The following RNF146 variants were observed in gnomAD, a reference collection of about 807,000 sequenced individuals.
RNF146 encodes the protein E3 ubiquitin-protein ligase RNF146.
In RNF146, 11 loss-of-function variants were observed where a neutral mutation model predicts 29.7. The ratio of observed to expected loss-of-function variants is 0.37; its 90% CI spans 0.23 to 0.61. The LOEUF (loss-of-function observed/expected upper bound fraction) is 0.61. Ranked by LOEUF, RNF146 falls within the 20% of genes least tolerant of loss-of-function variation. The pLI, the probability that RNF146 is intolerant of heterozygous loss-of-function variation, is 0.66. For missense variants in RNF146, 342 were observed against 438.9 expected, an observed-to-expected ratio of 0.78 and a Z score of 1.97; for synonymous variants, 150 against 159.7, an observed-to-expected ratio of 0.94 and a Z score of 0.46.
chr6:127,280,634 A>G, intron 2 of RNF146: 1 of 964,264 alleles, frequency 1.0e-6, no homozygotes, highest in Non-Finnish European at 1.3e-6. Flanking sequence ...CTTTTTACAT[A>G]ATAATTTTCT....
chr6:127,276,186 G>C (rs1778186045), intron 1 of RNF146, among the ~76,000 whole-genome samples: 1 of 151,798 alleles, frequency 6.6e-6, no homozygotes, highest in South Asian at 2.1e-4. Flanking sequence ...GAGTGAGAGA[G>C]AGAGAATCTC....
chr6:127,287,620 C>T lies in RNF146; in HGVS notation c.1007C>T (p.Ala336Val), dbSNP rs775391334. The T allele has an allele frequency of 1.9e-6, 3 of 1,612,538 alleles. No homozygotes were observed. Among genetic ancestry groups the T allele is most frequent in the South Asian group, 2.2e-5 (2 of 91,012 alleles). The change falls in exon 3 of 3, where the codon GCA (alanine) becomes GTA (valine). Residue 336 changes from alanine to valine, a missense_variant. Ala to Val is a moderately conservative substitution (Grantham distance 64). Transcript: ENST00000368314. ...SDRSGTDRSV[A>V]GGGTVSVSVR... ...CGATCGGGAACTGATCGATCAGTAG[C>T]AGGGGGTGGAACAGTGAGTGTCAGT...
rs987883196 is a variant in RNF146 at position 127,266,885 on chromosome 6, A to G, written c.-149A>G. 6.6e-6 allele frequency: 1 copy of G among 151,500 alleles called. No individual in the cohort carries two copies. The highest frequency in any genetic ancestry group is 1.5e-5 in the Non-Finnish European group (1 of 67,928). The allele number at this position is 151,500 out of a possible 1,614,324, so 9.4% of individuals were successfully genotyped here. A position where few individuals can be genotyped will look rare whatever the true frequency, so the allele number is the denominator to read the frequency against. On this transcript the variant is annotated 5_prime_UTR_variant, in exon 1 of 3. Transcript: ENST00000368314. ...CGGCAGCTGCGGGCTCCGAGGCCAG[A>G]GAGAAAAGACTGCGAGGTGGCCGCA...
chr6:127,272,133 C>A (rs963963472), intron 1 of RNF146, among the ~76,000 whole-genome samples: 2 of 152,090 alleles, frequency 1.3e-5, no homozygotes, highest in African/African-American at 4.8e-5. Flanking sequence ...TTGGGTAAGT[C>A]ATTTAACTTC....
At position 127,280,291 on chromosome 6, in the gene RNF146, G is replaced by A. The variant is rs186323538; in HGVS notation, c.-48G>A. 237 of 1,545,306 alleles carry A rather than the reference G, an allele frequency of 1.5e-4. 1 individual carries two copies. In the African/African-American group the frequency reaches 2.9e-3, roughly 19 times the overall value. ...TGTAAGCTGGCTGACTGCTGGTGAA[G>A]AAAATGCTTTATTTTTGTGGCAGGC... On this transcript the variant is annotated 5_prime_UTR_variant, in exon 2 of 3. Transcript: ENST00000368314.
chr6:127,270,892 T>C (rs954271545), intron 1 of RNF146, among the ~76,000 whole-genome samples: 9 of 151,878 alleles, frequency 5.9e-5, no homozygotes, highest in Admixed American at 2.6e-4. Context: ...CTTGGCTCAC[T>C]GCAACCTCCA....
At chr6:127,282,912 C>T (rs1236771396) in intron 2 of RNF146, among the ~76,000 whole-genome samples, 1 of 151,776 alleles carries the variant, frequency 6.6e-6, no homozygotes, top group Non-Finnish European at 1.5e-5. Context: ...ATTCTAAATT[C>T]AGACTTTAAA....
At chr6:127,277,857 G>A (rs149550572) in intron 1 of RNF146, among the ~76,000 whole-genome samples, 253 of 152,042 alleles carry the variant, frequency 1.7e-3, no homozygotes, top group Non-Finnish European at 3.0e-3. Context: ...GTTGACACTC[G>A]GTATTAACCA....
chr6:127,279,907 A>G (rs1778715275), intron 1 of RNF146, among the ~76,000 whole-genome samples: 1 of 151,770 alleles, frequency 6.6e-6, no homozygotes, highest in Non-Finnish European at 1.5e-5. Context: ...ATCAGAACAC[A>G]ACTGATTTTT....
At chr6:127,282,688 C>T (rs563887602) in intron 2 of RNF146, among the ~76,000 whole-genome samples, 8 of 151,678 alleles carry the variant, frequency 5.3e-5, no homozygotes, top group Non-Finnish European at 1.2e-4. Context: ...GTTTCCCTTT[C>T]GCCATACCTC....
At chr6:127,268,046 T>C (rs1429004739) in intron 1 of RNF146, among the ~76,000 whole-genome samples, 1 of 148,614 alleles carries the variant, frequency 6.7e-6, no homozygotes, top group Non-Finnish European at 1.5e-5. Context: ...TTTCTCTAAG[T>C]GCCATTTTAG....
At chr6:127,280,608 C>T (rs747585390) in intron 2 of RNF146, 21 of 1,122,584 alleles carry the variant, frequency 1.9e-5, no homozygotes, top group Non-Finnish European at 2.2e-5. Flanking sequence ...TCTCCAGGTC[C>T]TCTGGGTTCT....
chr6:127,278,128 T>A (rs1435125167), intron 1 of RNF146, among the ~76,000 whole-genome samples: 1 of 152,060 alleles, frequency 6.6e-6, no homozygotes. Flanking sequence ...TATCATGTGT[T>A]CTTGATTATT....
intron 1 of RNF146, among the ~76,000 whole-genome samples, chr6:127,268,656 C>T (rs1001349632): frequency 2.0e-5 from 3 of 152,130 alleles, no homozygotes; most frequent in Admixed American, 1.3e-4. Flanking sequence ...ACTGGAAATA[C>T]ATTTAAATAT....
chr6:127,281,108 T>C (rs944486334), intron 2 of RNF146, among the ~76,000 whole-genome samples: 3 of 151,684 alleles, frequency 2.0e-5, no homozygotes, highest in African/African-American at 7.2e-5. Flanking sequence ...GACATAAAAC[T>C]CTTGCTTTCT....
Position 127,286,068 on chromosome 6 carries a change from G to C in RNF146, c.3-548G>C. Reference sequence around the variant, plus strand: ...TCTTCAGGGGATCTTCAATATTCATGTTATTTTCTCCTTTGGTCTTATATG... The same window carrying C: ...TCTTCAGGGGATCTTCAATATTCATCTTATTTTCTCCTTTGGTCTTATATG... On this transcript the variant is annotated intron_variant, in intron 2 of 2. Coordinates refer to ENST00000368314, the MANE Select transcript of RNF146 (RefSeq NM_001242850.2). The surrounding 1 kb of genome is among the most constrained non-coding windows in gnomAD (Gnocchi z 4.6). 8.1e-7 allele frequency: 1 copy of C among 1,229,190 alleles called. No homozygotes were observed. The highest frequency in any genetic ancestry group is 4.1e-5 in the South Asian group (1 of 24,292). The allele number at this position is 1,229,190 out of a possible 1,614,324, so 76.1% of individuals were successfully genotyped here. A position where few individuals can be genotyped will look rare whatever the true frequency, so the allele number is the denominator to read the frequency against.
chr6:127,276,579 G>T (rs1778242531), intron 1 of RNF146, among the ~76,000 whole-genome samples: 1 of 151,986 alleles, frequency 6.6e-6, no homozygotes. Context: ...TCCAGAATGG[G>T]CAGGAAAGGA....
At chr6:127,279,675 T>C (rs1432158509) in intron 1 of RNF146, among the ~76,000 whole-genome samples, 1 of 151,860 alleles carries the variant, frequency 6.6e-6, no homozygotes, top group African/African-American at 2.4e-5. Context: ...TAGATCACTT[T>C]GGGTAGTATT....
intron 1 of RNF146, among the ~76,000 whole-genome samples, chr6:127,276,012 AT>A (rs1310582437): frequency 2.6e-5 from 4 of 152,060 alleles, no homozygotes; most frequent in Non-Finnish European, 4.4e-5. Flanking sequence ...AACCTGGTCC[AT>A]TTTGCCTTTT....
Sources: gnomAD v4.1 joint callset for allele counts (sites outside exome capture counted in the v4.1 genomes callset) on GRCh38, gnomAD v4.1.1 for gene constraint, Gnocchi (gnomAD v3.1) non-coding constraint, MANE v1.5 for transcripts, NCBI Gene and HGNC (gene_info 2026-07-23, HGNC 2026-07-21) for gene names.